The following UBA2 variants were observed in gnomAD, a reference collection of about 807,000 sequenced individuals.
UBA2 encodes ubiquitin like modifier activating enzyme 2, also known as SUMO-activating enzyme subunit 2.
UBA2 carries 11 observed loss-of-function variants against 77.2 expected under a neutral mutation model. That is an observed-to-expected ratio of 0.14 (90% CI 0.09 to 0.24). UBA2 has a LOEUF of 0.24. Ranked by LOEUF, UBA2 falls within the 10% of genes least tolerant of loss-of-function variation. The pLI is 1.00. For synonymous variants in UBA2, 278 were observed against 276.7 expected, an observed-to-expected ratio of 1.00 and a Z score of -0.05; for missense variants, 487 against 781.7, an observed-to-expected ratio of 0.62 and a Z score of 4.50.
Position 34,464,070 on chromosome 19 carries a change from A to C in UBA2, c.1543A>C (p.Ser515Arg). 1 of 1,614,006 alleles carries C rather than the reference A, an allele frequency of 6.2e-7. No homozygotes were observed. The highest frequency in any genetic ancestry group is 1.3e-5 in the African/African-American group (1 of 75,060). Residue 515 changes from serine to arginine, a missense_variant, in exon 15 of 17, where the codon AGC becomes CGC. Ser to Arg is a moderately radical substitution (Grantham distance 110). This residue lies in a region of UBA2 where 300 missense variants were observed against 454.3 expected (regional missense o/e 0.66). Transcript: ENST00000246548. ...GTCAGAATTTGGAATTAGAAATGGC[A>C]GCCGGCTTCAAGCAGATGACTTCCT... is the stretch of plus-strand genomic sequence containing the variant. ...KLSEFGIRNG[S>R]RLQADDFLQD...
At chr19:34,464,262 G>A in intron 15 of UBA2, 131 bp downstream of exon 15, 1 of 618,174 alleles carries the variant, frequency 1.6e-6, no homozygotes. Context: ...ATTTGGTTGA[G>A]TTGGTCACTG....
At chr19:34,428,717 T>G in intron 1 of UBA2, 147 bp downstream of exon 1, 2 of 1,158,926 alleles carry the variant, frequency 1.7e-6, no homozygotes, top group Non-Finnish European at 1.1e-6. Flanking sequence ...AGGCTCGGGT[T>G]GTGCCCCCCC....
chr19:34,441,781 T>G (rs948093583), intron 6 of UBA2, among the ~76,000 whole-genome samples: 3 of 151,486 alleles, frequency 2.0e-5, no homozygotes, highest in Non-Finnish European at 4.4e-5. Flanking sequence ...ATTAGTGGGG[T>G]GTGGTGGCAC....
intron 14 of UBA2, among the ~76,000 whole-genome samples, chr19:34,461,748 T>A (rs1450222003): frequency 6.6e-6 from 1 of 152,192 alleles, no homozygotes; most frequent in Non-Finnish European, 1.5e-5. Flanking sequence ...GACCTTGGCT[T>A]GAAGTGCCTT....
chr19:34,428,794 A>T, intron 1 of UBA2: 1 of 1,141,252 alleles, frequency 8.8e-7, no homozygotes, highest in East Asian at 3.7e-5. Flanking sequence ...CCGGACGCCG[A>T]GGAGGCCGCG....
chr19:34,460,176 G>C (rs2075615347), intron 13 of UBA2, among the ~76,000 whole-genome samples: 1 of 152,214 alleles, frequency 6.6e-6, no homozygotes, highest in Non-Finnish European at 1.5e-5. Context: ...TGTCAAGTGT[G>C]TAGCTCACTA....
chr19:34,444,044 G>GTTTTTT (rs35028159), intron 7 of UBA2, 133 bp downstream of exon 7: 197 of 175,784 alleles, frequency 1.1e-3, no homozygotes, highest in African/African-American at 3.0e-3. Context: ...TTTTTTTTTT[G>GTTTTTT]TTTTTTTTTT....
chr19:34,444,051 T>TC, intron 7 of UBA2, 140 bp downstream of exon 7: 1 of 370,508 alleles, frequency 2.7e-6, no homozygotes. Flanking sequence ...TTTGTTTTTT[T>TC]TTTTTTTTTT....
rs1186714068 is a variant in UBA2, at chr19:34,469,417, T to C, written c.*196T>C. On this transcript the variant is annotated 3_prime_UTR_variant, in exon 17 of 17. Coordinates refer to ENST00000246548, the MANE Select transcript of UBA2 (RefSeq NM_005499.3). ...CTGTATTGAAAGTAGGAATATAGTT[T>C]TAAAAACCCTTTGAACAAAGTGTGT... is the stretch of plus-strand genomic sequence containing the variant. 1.1e-5 allele frequency: 4 copies of C among 360,602 alleles called. No homozygotes were observed. The highest frequency in any genetic ancestry group is 1.9e-5 in the Non-Finnish European group (4 of 208,386). 22.3% of individuals were successfully genotyped at this position (360,602 alleles called of 1,614,324 possible). A position where few individuals can be genotyped will look rare whatever the true frequency, so the allele number is the denominator to read the frequency against.
intron 1 of UBA2, chr19:34,430,006 G>A (rs1209209878): frequency 6.6e-6 from 1 of 152,358 alleles, no homozygotes; most frequent in Non-Finnish European, 1.5e-5. Context: ...CCGCCTCCCA[G>A]GCTCCAGTGA....
intron 3 of UBA2, among the ~76,000 whole-genome samples, chr19:34,432,660 C>T (rs529099485): frequency 2.0e-5 from 3 of 152,194 alleles, no homozygotes; most frequent in Admixed American, 1.3e-4. Flanking sequence ...TGGGTTCAAG[C>T]GATTCTCCTG....
chr19:34,430,614 A>G lies in UBA2; in HGVS notation c.177A>G (p.Arg59=), dbSNP rs2075242564. 6.2e-7 allele frequency: 1 copy of G among 1,613,926 alleles called. No homozygotes were observed. The highest frequency in any genetic ancestry group is 8.5e-7 in the Non-Finnish European group (1 of 1,179,892). The part of the protein sequence containing the change: ...LDTIDVSNLN[R]QFLFQKKHVG... Reference sequence around the variant, plus strand: ...CTATTGATGTAAGCAACCTCAACAGACAGTTTTTGTTTCAAAAGAAACATG... The same window carrying G: ...CTATTGATGTAAGCAACCTCAACAGGCAGTTTTTGTTTCAAAAGAAACATG... Residue 59 remains arginine (R), a synonymous_variant, in exon 2 of 17, where the codon AGA becomes AGG. Coordinates refer to ENST00000246548, the MANE Select transcript of UBA2 (RefSeq NM_005499.3).
At chr19:34,428,873 T>C (rs1319413439) in intron 1 of UBA2, 31 of 1,060,064 alleles carry the variant, frequency 2.9e-5, no homozygotes, top group Non-Finnish European at 3.4e-5. Flanking sequence ...TTATCCTCCC[T>C]TCAAAACAAA....
In UBA2 at chr19:34,433,339, G is replaced by A; in HGVS notation, c.294-9G>A. 1 of 1,604,808 alleles carries A rather than the reference G, an allele frequency of 6.2e-7. No homozygotes were observed. Among genetic ancestry groups the A allele is most frequent in the East Asian group, 2.2e-5 (1 of 44,700 alleles). ...TATTTTGGTGACCTTTTTTTATTTT[G>A]TTTTGTAGCCCTGACTATAATGTGG... On this transcript the variant is annotated splice_polypyrimidine_tract_variant and intron_variant, in intron 3 of 16. Transcript: ENST00000246548.
chr19:34,429,855 C>A lies in UBA2; in HGVS notation c.139-721C>A, dbSNP rs371821866. ...TGTCTCAAAAAACAAAGAAAAAGAA[C>A]AGGGCATAGTTAAATTTAATATTTT... On this transcript the variant is annotated intron_variant, in intron 1 of 16. Coordinates refer to ENST00000246548, the MANE Select transcript of UBA2 (RefSeq NM_005499.3). Among the ~76,000 whole-genome samples, 10 of 152,154 alleles carry A rather than the reference C, an allele frequency of 6.6e-5. No homozygotes were observed. The East Asian group carries it at 1.5e-3, about 24-fold the overall frequency.
At chr19:34,451,227 C>T (rs2075492267) in intron 9 of UBA2, among the ~76,000 whole-genome samples, 1 of 152,144 alleles carries the variant, frequency 6.6e-6, no homozygotes, top group Non-Finnish European at 1.5e-5. Context: ...TCCCCTTTAA[C>T]ACTCCTTGTC....
chr19:34,431,520 TC>T (rs1440256761), intron 2 of UBA2, among the ~76,000 whole-genome samples: 2 of 152,172 alleles, frequency 1.3e-5, no homozygotes, highest in Admixed American at 1.3e-4. Flanking sequence ...GTTGTATAGT[TC>T]CTGGTACATG....
In UBA2 at chr19:34,469,267, G is replaced by A. The variant is rs1437119014; in HGVS notation, c.*46G>A. The A allele has an allele frequency of 1.4e-6, 2 of 1,469,042 alleles. No homozygotes were observed. The highest frequency in any genetic ancestry group is 1.4e-5 in the African/African-American group (1 of 69,778). 91.0% of individuals were successfully genotyped at this position (1,469,042 alleles called of 1,614,324 possible). A position where few individuals can be genotyped will look rare whatever the true frequency, so the allele number is the denominator to read the frequency against. On this transcript the variant is annotated 3_prime_UTR_variant, in exon 17 of 17. Transcript: ENST00000246548. ...AACCCTCTTACTATTTAGTTTATCT[G>A]GGCAGAACCAGATTGTTATGTCCTT...
intron 10 of UBA2, among the ~76,000 whole-genome samples, chr19:34,452,655 A>G (rs1286604315): frequency 2.6e-5 from 4 of 152,184 alleles, no homozygotes; most frequent in African/African-American, 9.7e-5. Flanking sequence ...ATCTTTTGAG[A>G]TTTGATATTA....
Sources: gnomAD v4.1 joint callset for allele counts (sites outside exome capture counted in the v4.1 genomes callset) on GRCh38, gnomAD v4.1.1 for gene constraint, gnomAD v4.1.1 regional missense constraint, MANE v1.5 for transcripts, NCBI Gene and HGNC (gene_info 2026-07-23, HGNC 2026-07-21) for gene names.